Variants in CTNNA3 observed in about 807,000 individuals in gnomAD.
CTNNA3 encodes the protein catenin alpha 3.
CTNNA3 carries 76 observed loss-of-function variants against 95.7 expected under a neutral mutation model. The observed-to-expected ratio is 0.79, with a 90% CI of 0.66 to 0.96. The LOEUF (loss-of-function observed/expected upper bound fraction) is 0.96. CTNNA3 is among the 40% of genes least tolerant of loss of function. CTNNA3 has a pLI of 0.00. For missense variants in CTNNA3, 1,191 were observed against 1,089.8 expected (o/e 1.09, Z -1.31); for synonymous variants, 431 against 374.4 (o/e 1.15, Z -1.74).
chr10:66,976,897 T>A (rs994898125), intron 7 of CTNNA3, among the ~76,000 whole-genome samples: 1 of 152,222 alleles, frequency 6.6e-6, no homozygotes, highest in Non-Finnish European at 1.5e-5. Flanking sequence ...GCTTTCCAAA[T>A]AACTACTTTG....
chr10:66,301,774 G>A (rs2091866685), intron 12 of CTNNA3, among the ~76,000 whole-genome samples: 1 of 151,888 alleles, frequency 6.6e-6, no homozygotes, highest in Non-Finnish European at 1.5e-5. Context: ...ACTTAATGGA[G>A]ACAAACTAGA....
intron 5 of CTNNA3, among the ~76,000 whole-genome samples, chr10:67,421,829 T>C (rs1033905246): frequency 3.3e-5 from 5 of 152,156 alleles, no homozygotes; most frequent in South Asian, 2.1e-4. Context: ...AATACTGATA[T>C]AAACAAACAA....
At chr10:67,703,096 T>C (rs146179116) in intron 1 of CTNNA3, among the ~76,000 whole-genome samples, 6,575 of 152,276 alleles carry the variant, frequency 0.043, 204 homozygotes, top group African/African-American at 0.091. Context: ...AATCTTTGAA[T>C]AGACCAATAA....
intron 7 of CTNNA3, among the ~76,000 whole-genome samples, chr10:67,053,277 A>G (rs895303404): frequency 1.3e-5 from 2 of 152,208 alleles, no homozygotes; most frequent in Non-Finnish European, 2.9e-5. Context: ...CGCTAATCTT[A>G]GAACACTATA....
chr10:66,553,443 T>TC (rs1338460225), intron 10 of CTNNA3, among the ~76,000 whole-genome samples: 3 of 150,996 alleles, frequency 2.0e-5, no homozygotes. Flanking sequence ...AGCATATCTT[T>TC]TTTTTTTTCA....
intron 5 of CTNNA3, among the ~76,000 whole-genome samples, chr10:67,518,372 G>T (rs1213517667): frequency 6.6e-6 from 1 of 152,120 alleles, no homozygotes; most frequent in Non-Finnish European, 1.5e-5. Flanking sequence ...GAAACGGGCT[G>T]TACATTCTAA....
intron 15 of CTNNA3, among the ~76,000 whole-genome samples, chr10:66,046,629 T>C (rs956343213): frequency 6.6e-6 from 1 of 151,568 alleles, no homozygotes; most frequent in Admixed American, 6.6e-5. Context: ...AGAAGTTAAA[T>C]GAAGGAAATC....
chr10:66,846,645 G>T (rs1843293160), intron 7 of CTNNA3, among the ~76,000 whole-genome samples: 1 of 151,474 alleles, frequency 6.6e-6, no homozygotes, highest in African/African-American at 2.4e-5. Flanking sequence ...GTATAGCTAT[G>T]AAAAAAAAGA....
intron 14 of CTNNA3, among the ~76,000 whole-genome samples, chr10:66,099,660 G>A (rs768789777): frequency 6.6e-6 from 1 of 152,098 alleles, no homozygotes; most frequent in Non-Finnish European, 1.5e-5. Context: ...AATGTAAGGG[G>A]TGTTATTGGT....
chr10:66,372,930 G>GT (rs2092765051), intron 12 of CTNNA3, among the ~76,000 whole-genome samples: 1 of 152,098 alleles, frequency 6.6e-6, no homozygotes, highest in South Asian at 2.1e-4. Flanking sequence ...TGAGATTTGG[G>GT]TGGGGACACA....
At chr10:67,634,337 T>C (rs1839237642) in intron 2 of CTNNA3, among the ~76,000 whole-genome samples, 1 of 152,040 alleles carries the variant, frequency 6.6e-6, no homozygotes, top group African/African-American at 2.4e-5. Flanking sequence ...AAGCACTAAA[T>C]ATGGAAAAGA....
chr10:66,012,925 A>G (rs61858364), intron 15 of CTNNA3, among the ~76,000 whole-genome samples: 1 of 152,040 alleles, frequency 6.6e-6, no homozygotes, highest in Non-Finnish European at 1.5e-5. Flanking sequence ...AGTGCATCAT[A>G]TATCAGCTCT....
chr10:66,653,128 C>T (rs1470397981), intron 9 of CTNNA3, among the ~76,000 whole-genome samples: 1 of 151,960 alleles, frequency 6.6e-6, no homozygotes, highest in Non-Finnish European at 1.5e-5. Flanking sequence ...AGCAATTAGG[C>T]AAAAGAAAAA....
intron 9 of CTNNA3, among the ~76,000 whole-genome samples, chr10:66,676,330 T>A (rs931235600): frequency 3.3e-5 from 5 of 152,094 alleles, no homozygotes; most frequent in African/African-American, 9.7e-5. Flanking sequence ...TCAAATGCTA[T>A]GCACCCCAAT....
chr10:66,433,841 A>G (rs1337985262), intron 11 of CTNNA3, among the ~76,000 whole-genome samples: 2 of 152,316 alleles, frequency 1.3e-5, no homozygotes, highest in East Asian at 1.9e-4. Context: ...GAAGGAATCC[A>G]GTTTCAGTTT....
intron 7 of CTNNA3, among the ~76,000 whole-genome samples, chr10:66,882,125 T>C (rs1844872711): frequency 6.6e-6 from 1 of 152,016 alleles, no homozygotes; most frequent in Non-Finnish European, 1.5e-5. Context: ...CATATCAAAA[T>C]ATTTAGCAGC....
intron 11 of CTNNA3, among the ~76,000 whole-genome samples, chr10:66,436,734 T>C (rs949396903): frequency 3.9e-5 from 6 of 152,078 alleles, no homozygotes; most frequent in Admixed American, 3.9e-4. Flanking sequence ...GTCATCATGA[T>C]GCTAGCTGGT....
At chr10:66,441,321 C>T (rs1199954286) in intron 11 of CTNNA3, among the ~76,000 whole-genome samples, 1 of 152,076 alleles carries the variant, frequency 6.6e-6, no homozygotes, top group South Asian at 2.1e-4. Context: ...TTGATCTGTT[C>T]AAGACTGGTA....
intron 11 of CTNNA3, among the ~76,000 whole-genome samples, chr10:66,385,834 CA>C (rs1361640913): frequency 6.6e-6 from 1 of 152,084 alleles, no homozygotes; most frequent in Admixed American, 6.5e-5. Flanking sequence ...AAATCAACAA[CA>C]AAAAACACAT....
Sources: allele counts gnomAD v4.1 joint callset (sites outside exome capture counted in the v4.1 genomes callset), GRCh38; gene constraint gnomAD v4.1.1; transcripts MANE v1.5; gene names NCBI Gene and HGNC (gene_info 2026-07-23, HGNC 2026-07-21).